Variants in FUT9 observed in about 807,000 individuals in gnomAD.
The protein encoded by FUT9 is 4-galactosyl-N-acetylglucosaminide 3-alpha-L-fucosyltransferase 9.
FUT9 carries 15 observed loss-of-function variants against 29.7 expected under a neutral mutation model. That is an observed-to-expected ratio of 0.51 (90% confidence interval 0.34 to 0.78). FUT9 has a LOEUF of 0.78. Among genes scored for constraint, FUT9 ranks in the 30% least tolerant of loss-of-function variants. FUT9 has a pLI of 0.01. For synonymous variants in FUT9, 169 were observed against 153.7 expected, an observed-to-expected ratio of 1.10 and a Z score of -0.74; for missense variants, 319 against 425.4, an observed-to-expected ratio of 0.75 and a Z score of 2.20.
At chr6:96,058,286 C>CAA (rs1770811168) in intron 1 of FUT9, among the ~76,000 whole-genome samples, 1 of 151,880 alleles carries the variant, frequency 6.6e-6, no homozygotes, top group Admixed American at 6.6e-5. Context: ...CCTCACTGAG[C>CAA]AAAAGCTACA....
At chr6:96,149,218 G>A (rs1772632516) in intron 2 of FUT9, among the ~76,000 whole-genome samples, 1 of 151,764 alleles carries the variant, frequency 6.6e-6, no homozygotes, top group Admixed American at 6.6e-5. Context: ...ATTATGTACA[G>A]AGTCAGTATT....
At chr6:96,102,519 A>G (rs1200659224) in intron 1 of FUT9, among the ~76,000 whole-genome samples, 2 of 151,992 alleles carry the variant, frequency 1.3e-5, no homozygotes, top group African/African-American at 4.8e-5. Flanking sequence ...AAGAGGTGTT[A>G]TAAATTTTTT....
chr6:96,063,389 C>T (rs1163229547), intron 1 of FUT9, among the ~76,000 whole-genome samples: 1 of 152,116 alleles, frequency 6.6e-6, no homozygotes, highest in Non-Finnish European at 1.5e-5. Context: ...ACAAGCGCAT[C>T]ACATGGCAAA....
At chr6:96,090,948 G>A (rs1465035280) in intron 1 of FUT9, among the ~76,000 whole-genome samples, 1 of 152,016 alleles carries the variant, frequency 6.6e-6, no homozygotes, top group Non-Finnish European at 1.5e-5. Context: ...AACAAAAGTA[G>A]AAGAAATTTG....
At chr6:96,200,458 G>A (rs548761578) in intron 2 of FUT9, among the ~76,000 whole-genome samples, 2 of 152,210 alleles carry the variant, frequency 1.3e-5, no homozygotes, top group Admixed American at 1.3e-4. Flanking sequence ...CCTCATCTGT[G>A]AAGGGATGAG....
intron 2 of FUT9, among the ~76,000 whole-genome samples, chr6:96,178,166 C>T (rs1299267300): frequency 6.6e-6 from 1 of 152,106 alleles, no homozygotes; most frequent in Non-Finnish European, 1.5e-5. Flanking sequence ...AGGATGTGTA[C>T]CAGGATGGCC....
chr6:96,199,198 A>T (rs910115081), intron 2 of FUT9, among the ~76,000 whole-genome samples: 23 of 152,168 alleles, frequency 1.5e-4, no homozygotes, highest in Non-Finnish European at 3.2e-4. Flanking sequence ...ACACTGCTGC[A>T]GGTGTTTTTA....
At position 96,188,829 on chromosome 6, in the gene FUT9, G is replaced by A. The variant is rs1034580174; in HGVS notation, c.-8-14319G>A. ...GTTTAAACATTGGAAATGCTGAATG[G>A]TTGTTAGCTCCTTGGTCAGTCATAA... On this transcript the variant is annotated intron_variant, in intron 2 of 2. Coordinates refer to ENST00000302103, the MANE Select transcript of FUT9 (RefSeq NM_006581.4). 9.2e-5 allele frequency among the ~76,000 whole-genome samples: 14 copies of A among 151,844 alleles called. 1 individual carries two copies. The highest frequency in any genetic ancestry group is 5.3e-4 in the Admixed American group (8 of 15,222).
intron 2 of FUT9, among the ~76,000 whole-genome samples, chr6:96,132,101 G>C (rs940425074): frequency 6.6e-6 from 1 of 151,880 alleles, no homozygotes; most frequent in Non-Finnish European, 1.5e-5. Flanking sequence ...CGTTACCCAT[G>C]ATACATTGTT....
At position 96,127,980 on chromosome 6, in the gene FUT9, A is replaced by G. The variant is rs905544423; in HGVS notation, c.-9+13853A>G. The stretch of plus-strand genomic sequence containing the variant: ...ATTTTTCTCCTATTCTATAGATTTT[A>G]TGTTTACTCTGTTGATAGTTTCTTT... On this transcript the variant is annotated intron_variant, in intron 2 of 2. Transcript: ENST00000302103. 2.0e-5 allele frequency among the ~76,000 whole-genome samples: 3 copies of G among 151,962 alleles called. 1 individual carries two copies. The highest frequency in any genetic ancestry group is 2.4e-5 in the African/African-American group (1 of 41,406).
rs934198982 is a variant in FUT9, at chr6:96,208,390, A to G, written c.*4155A>G. 1 of 166,842 alleles carries G rather than the reference A, an allele frequency of 6.0e-6. No homozygotes were observed. Among genetic ancestry groups the G allele is most frequent in the African/African-American group, 2.4e-5 (1 of 41,420 alleles). The allele number at this position is 166,842 out of a possible 1,614,324, so 10.3% of individuals were successfully genotyped here. A position where few individuals can be genotyped will look rare whatever the true frequency, so the allele number is the denominator to read the frequency against. ...ATCTCATTTTGAGAAACATTTTGAG[A>G]AACTTCTTAACAATTACAATCGAGC... On this transcript the variant is annotated 3_prime_UTR_variant, in exon 3 of 3. Transcript: ENST00000302103.
chr6:96,017,538 T>C (rs780806737), intron 1 of FUT9, among the ~76,000 whole-genome samples: 3 of 152,150 alleles, frequency 2.0e-5, no homozygotes, highest in Non-Finnish European at 4.4e-5. Flanking sequence ...ATTGAAATCT[T>C]AAAAACAAAA....
At chr6:96,080,581 T>C (rs1471385405) in intron 1 of FUT9, among the ~76,000 whole-genome samples, 2 of 152,024 alleles carry the variant, frequency 1.3e-5, no homozygotes, top group Admixed American at 6.6e-5. Context: ...TATTTAAATG[T>C]TCCAATGATG....
At chr6:96,183,878 C>A (rs146910465) in intron 2 of FUT9, among the ~76,000 whole-genome samples, 1 of 152,014 alleles carries the variant, frequency 6.6e-6, no homozygotes, top group Admixed American at 6.6e-5. Flanking sequence ...CATCTATGTT[C>A]TTCAGGGATA....
At position 96,203,286 on chromosome 6, in the gene FUT9, C is replaced by A. The variant is rs1423971943; in HGVS notation, c.131C>A (p.Ala44Asp). Residue 44 changes from alanine (A) to aspartate (D), a missense_variant, in exon 3 of 3, where the codon GCC becomes GAC. Coordinates refer to ENST00000302103, the MANE Select transcript of FUT9 (RefSeq NM_006581.4). ...TGGATCTTCAGTCCAATGGAATCAG[C>A]CAGCTCTGTGCTGAAAATGAAAAAC... ...NSWIFSPMES[A>D]SSVLKMKNFF... is the part of the protein sequence containing the mutation. 7.4e-6 allele frequency: 12 copies of A among 1,613,740 alleles called. No homozygotes were observed. The East Asian group carries it at 2.5e-4, about 33-fold the overall frequency.
intron 1 of FUT9, among the ~76,000 whole-genome samples, chr6:96,082,137 T>C (rs528131323): frequency 3.3e-5 from 5 of 151,816 alleles, no homozygotes; most frequent in Admixed American, 3.3e-4. Context: ...TTATGGCATA[T>C]TCAGTTAATA....
intron 2 of FUT9, among the ~76,000 whole-genome samples, chr6:96,143,159 T>C (rs1772496963): frequency 1.3e-5 from 2 of 152,044 alleles, no homozygotes. Flanking sequence ...GTCAGGAGGG[T>C]GGAACCCTTG....
intron 1 of FUT9, among the ~76,000 whole-genome samples, chr6:96,031,509 G>T (rs1051063914): frequency 7.9e-5 from 12 of 151,402 alleles, no homozygotes; most frequent in Admixed American, 4.0e-4. Context: ...TAGGGTGACT[G>T]CCCCCCAAGA....
intron 1 of FUT9, among the ~76,000 whole-genome samples, chr6:96,075,771 A>T (rs147486800): frequency 1.2e-4 from 18 of 152,152 alleles, no homozygotes; most frequent in African/African-American, 4.3e-4. Context: ...TTTTATGTCA[A>T]CTTAAGTTCA....
Sources: gnomAD v4.1 joint callset for allele counts (sites outside exome capture counted in the v4.1 genomes callset) on GRCh38, gnomAD v4.1.1 for gene constraint, MANE v1.5 for transcripts, NCBI Gene and HGNC (gene_info 2026-07-23, HGNC 2026-07-21) for gene names.